The following DNAJC13 variants were observed in gnomAD, a reference collection of about 807,000 sequenced individuals.
DNAJC13 encodes dnaJ homolog subfamily C member 13.
Under a neutral mutation model 290.5 loss-of-function variants are expected in DNAJC13, and 75 were observed. The observed-to-expected ratio is 0.26, with a 90% CI of 0.21 to 0.31. The LOEUF is 0.31. Among genes scored for constraint, DNAJC13 ranks in the 10% least tolerant of loss-of-function variants. The probability of loss-of-function intolerance (pLI) is 1.00; values close to 1 mark genes in which losing one functional copy is unlikely to be tolerated. For missense variants in DNAJC13, 2,260 were observed against 2,674.5 expected (o/e 0.85, Z 3.42); for synonymous variants, 862 against 892.0 (o/e 0.97, Z 0.60).
intron 6 of DNAJC13, among the ~76,000 whole-genome samples, chr3:132,452,934 G>A (rs572968056): frequency 1.3e-5 from 2 of 152,158 alleles, no homozygotes; most frequent in Non-Finnish European, 2.9e-5. Context: ...TCAGAGCTGC[G>A]TTGTTTGAAA....
At chr3:132,498,991 C>G in intron 36 of DNAJC13, 135 bp from the exon 37 acceptor site, 1 of 742,952 alleles carries the variant, frequency 1.3e-6, no homozygotes, top group East Asian at 2.9e-5. Flanking sequence ...GCTGGGATTA[C>G]AGGCATGAGC....
chr3:132,498,276 AACTGGTAAAATAGAT>A (rs762528812), intron 36 of DNAJC13, among the ~76,000 whole-genome samples: 39 of 151,944 alleles, frequency 2.6e-4, no homozygotes, highest in South Asian at 1.0e-3. Context: ...TCTTTAAGAT[AACTGGTAAAATAGAT>A]ACTGGTAAAA....
chr3:132,477,364 C>A (rs1485516873), intron 22 of DNAJC13, among the ~76,000 whole-genome samples: 3 of 152,162 alleles, frequency 2.0e-5, no homozygotes, highest in Admixed American at 6.5e-5. Context: ...AGAAGGAATT[C>A]TTTACGAAAA....
chr3:132,488,483 G>A (rs1366538213), intron 30 of DNAJC13, 31 bp downstream of exon 30: 8 of 1,563,556 alleles, frequency 5.1e-6, no homozygotes, highest in Admixed American at 3.9e-5. Context: ...CTATTTAAAA[G>A]TATTATTTGA....
chr3:132,512,424 T>A (rs1935804707), intron 44 of DNAJC13, among the ~76,000 whole-genome samples: 1 of 152,194 alleles, frequency 6.6e-6, no homozygotes, highest in East Asian at 1.9e-4. Flanking sequence ...GAAATTACAC[T>A]GTATGTTTTA....
chr3:132,484,566 G>A, intron 28 of DNAJC13, 22 bp from the exon 29 acceptor site: 3 of 1,603,428 alleles, frequency 1.9e-6, no homozygotes, highest in Non-Finnish European at 2.6e-6. Flanking sequence ...ATTAAATGTT[G>A]ACGTGAGAAA....
At position 132,502,381 on chromosome 3, in the gene DNAJC13, T is replaced by C; in HGVS notation, c.4629T>C (p.Ile1543=). Residue 1543 remains isoleucine (I), a synonymous_variant, in exon 40 of 56, where the codon ATT becomes ATC. Coordinates refer to ENST00000260818, the MANE Select transcript of DNAJC13 (RefSeq NM_015268.4). ...WLQTHLFQAG[I]LWYLLGFLFN... is the part of the protein sequence containing the mutation. ...AGACACACCTATTTCAGGCTGGAAT[T>C]TTGTGGTATCTCCTTGGTTTTCTGT... 1 of 1,614,068 alleles carries C rather than the reference T, an allele frequency of 6.2e-7. No individual in the cohort carries two copies. Among genetic ancestry groups the C allele is most frequent in the Non-Finnish European group, 8.5e-7 (1 of 1,179,950 alleles).
At chr3:132,486,848 T>C (rs1173788591) in intron 29 of DNAJC13, among the ~76,000 whole-genome samples, 1 of 152,104 alleles carries the variant, frequency 6.6e-6, no homozygotes, top group East Asian at 1.9e-4. Flanking sequence ...CGTTCTAGGT[T>C]TTCTAGTATA....
intron 9 of DNAJC13, among the ~76,000 whole-genome samples, chr3:132,454,805 AG>A (rs1933541606): frequency 1.3e-5 from 2 of 152,158 alleles, no homozygotes; most frequent in South Asian, 4.2e-4. Flanking sequence ...AAAAAAAAAA[AG>A]TATGGATGTT....
At chr3:132,500,773 G>T (rs1174126161) in intron 38 of DNAJC13, 21 bp from the exon 39 acceptor site, 3 of 1,608,806 alleles carry the variant, frequency 1.9e-6, no homozygotes, top group Admixed American at 1.7e-5. Flanking sequence ...TGGTTTTTTT[G>T]CTCTGTTGTG....
intron 40 of DNAJC13, among the ~76,000 whole-genome samples, chr3:132,502,724 A>T (rs897772383): frequency 6.6e-6 from 1 of 152,246 alleles, no homozygotes; most frequent in Admixed American, 6.5e-5. Context: ...AATTACTCAG[A>T]GTCAACTTTA....
intron 11 of DNAJC13, 21 bp from the exon 12 acceptor site, chr3:132,456,642 A>G (rs140912184): frequency 8.6e-5 from 138 of 1,612,528 alleles, no homozygotes; most frequent in Non-Finnish European, 1.1e-4. Flanking sequence ...AACTTTTTTG[A>G]AATACTCTTT....
At chr3:132,463,450 A>G (rs1933872483) in intron 16 of DNAJC13, among the ~76,000 whole-genome samples, 1 of 152,148 alleles carries the variant, frequency 6.6e-6, no homozygotes, top group Non-Finnish European at 1.5e-5. Flanking sequence ...TTTAATATTA[A>G]GTTTAGCAAA....
rs1367853325 is a variant in DNAJC13, at chr3:132,432,971, GCACT to G, written c.-13-1566_-13-1563del. On this transcript the variant is annotated intron_variant, in intron 1 of 55. Coordinates refer to ENST00000260818, the MANE Select transcript of DNAJC13 (RefSeq NM_015268.4). Reference sequence around the variant, plus strand: ...ACCATTTGCAACTATGCTTTGAGTGGCACTGTTCTGGAATATTCATAAAGTGGAA... The same window carrying G: ...ACCATTTGCAACTATGCTTTGAGTGGGTTCTGGAATATTCATAAAGTGGAA... Among the ~76,000 whole-genome samples the G allele has an allele frequency of 2.0e-5, 3 of 152,264 alleles. No homozygotes were observed. In the East Asian group the frequency reaches 5.8e-4, roughly 29 times the overall value.
chr3:132,466,179 T>C, intron 18 of DNAJC13, 109 bp downstream of exon 18: 1 of 1,382,546 alleles, frequency 7.2e-7, no homozygotes, highest in African/African-American at 1.4e-5. Context: ...AAGTTATTTA[T>C]CATAGGAGTT....
intron 24 of DNAJC13, 127 bp downstream of exon 24, chr3:132,478,267 T>C: frequency 1.3e-6 from 1 of 764,514 alleles, no homozygotes. Context: ...CATTTTTCTG[T>C]AATTTATACT....
rs746546159 is a variant in DNAJC13, at chr3:132,479,275, T to C, written c.2758T>C (p.Leu920=). ...TAGGTTGATTCTCTTCCTTAACAAG[T>C]TGATCCTTAATAAGGTACAGTAGTT... ...RDRLILFLNK[L]ILNKKNVKDL... Residue 920 remains leucine, a synonymous_variant, in exon 25 of 56, where the codon TTG becomes CTG. Coordinates refer to ENST00000260818, the MANE Select transcript of DNAJC13 (RefSeq NM_015268.4). 22 of 1,605,200 alleles carry C rather than the reference T, an allele frequency of 1.4e-5. No individual in the cohort carries two copies. Among genetic ancestry groups the C allele is most frequent in the Non-Finnish European group, 1.9e-5 (22 of 1,172,654 alleles).
At chr3:132,496,421 A>G in intron 35 of DNAJC13, 107 bp from the exon 36 acceptor site, 1 of 1,088,642 alleles carries the variant, frequency 9.2e-7, no homozygotes, top group South Asian at 2.1e-5. Context: ...AATATAAACA[A>G]TAAAATAATA....
intron 13 of DNAJC13, 80 bp downstream of exon 13, chr3:132,457,448 T>C: frequency 9.0e-7 from 1 of 1,105,034 alleles, no homozygotes; most frequent in Non-Finnish European, 1.3e-6. Flanking sequence ...CAGATTTTCA[T>C]TGTACCAATA....
Sources: allele counts gnomAD v4.1 joint callset (sites outside exome capture counted in the v4.1 genomes callset), GRCh38; gene constraint gnomAD v4.1.1; transcripts MANE v1.5; gene names NCBI Gene and HGNC (gene_info 2026-07-23, HGNC 2026-07-21).